The following KLHL5 variants were observed in gnomAD, a reference collection of about 807,000 sequenced individuals.
KLHL5 encodes the protein kelch-like protein 5.
In KLHL5, 48 loss-of-function variants were observed where a neutral mutation model predicts 77.7. The ratio of observed to expected loss-of-function variants is 0.62; its 90% CI spans 0.49 to 0.79. KLHL5 has a LOEUF of 0.79. Among genes scored for constraint, KLHL5 ranks in the 30% least tolerant of loss-of-function variants. The pLI is 0.00. For synonymous variants in KLHL5, 260 were observed against 297.0 expected (o/e 0.88, Z 1.28); for missense variants, 723 against 859.7 (o/e 0.84, Z 1.99).
upstream of KLHL5, among the ~76,000 whole-genome samples, chr4:39,059,026 ATAATT>A (rs370290931): frequency 3.6e-4 from 55 of 152,298 alleles, 1 homozygote; most frequent in African/African-American, 1.3e-3. Flanking sequence ...GACCATTTTG[ATAATT>A]TAATAATGTA....
the KLHL5 span, among the ~76,000 whole-genome samples, chr4:39,139,952 C>T: frequency 5.3e-5 from 8 of 152,090 alleles, no homozygotes; most frequent in Non-Finnish European, 7.4e-5. Flanking sequence ...TGAGGCTGGG[C>T]GCGGTGGCTC....
exon 1 of KLHL5, chr4:39,045,091 G>A (rs1191953814): frequency 3.9e-5 from 38 of 986,926 alleles, no homozygotes; most frequent in Non-Finnish European, 4.6e-5. Flanking sequence ...TCCGGAGCCC[G>A]ACGCGGTAAG....
At chr4:39,098,135 C>CAAAAAAAAAA in intron 6 of KLHL5, among the ~76,000 whole-genome samples, 1 of 70,774 alleles carries the variant, frequency 1.4e-5, no homozygotes, top group Non-Finnish European at 3.2e-5. Flanking sequence ...GAATCCATCT[C>CAAAAAAAAAA]AAAAAAAAAA....
At chr4:39,089,787 G>A (rs1720354679) in intron 5 of KLHL5, among the ~76,000 whole-genome samples, 1 of 152,150 alleles carries the variant, frequency 6.6e-6, no homozygotes, top group Admixed American at 6.5e-5. Context: ...ATATGAAACT[G>A]TGGGGCTGGG....
chr4:39,141,415 T>C, the KLHL5 span, among the ~76,000 whole-genome samples: 4 of 150,310 alleles, frequency 2.7e-5, no homozygotes, highest in South Asian at 2.1e-4. Context: ...TTCACGCCAT[T>C]CTCCTGCCTC....
At chr4:39,048,977 C>G (rs1406217095) in intron 1 of KLHL5, among the ~76,000 whole-genome samples, 1 of 152,098 alleles carries the variant, frequency 6.6e-6, no homozygotes, top group Non-Finnish European at 1.5e-5. Flanking sequence ...CTGGAAGTGA[C>G]ACTTAACTTC....
At chr4:39,106,624 G>C (rs1222435850) in intron 7 of KLHL5, among the ~76,000 whole-genome samples, 1 of 152,124 alleles carries the variant, frequency 6.6e-6, no homozygotes, top group Non-Finnish European at 1.5e-5. Context: ...TAACAGGGGG[G>C]AAGGTATAAA....
chr4:39,064,515 A>G (rs1055731398), intron 1 of KLHL5, among the ~76,000 whole-genome samples: 2 of 152,142 alleles, frequency 1.3e-5, no homozygotes, highest in Non-Finnish European at 2.9e-5. Context: ...AAAAAATAAA[A>G]CATTCATTTA....
intron 6 of KLHL5, among the ~76,000 whole-genome samples, chr4:39,101,126 T>TATACATATATATATCTATA (rs1553892884): frequency 3.7e-5 from 5 of 134,844 alleles, no homozygotes; most frequent in African/African-American, 1.1e-4. Flanking sequence ...TATTTGGATT[T>TATACATATATATATCTATA]TATATATATA....
intron 1 of KLHL5, among the ~76,000 whole-genome samples, chr4:39,072,496 T>C (rs1452797274): frequency 6.6e-6 from 1 of 152,192 alleles, no homozygotes; most frequent in African/African-American, 2.4e-5. Context: ...TCAGCATTGA[T>C]GGAAATGTTC....
intron 4 of KLHL5, among the ~76,000 whole-genome samples, chr4:39,084,010 T>C (rs1040088158): frequency 7.2e-5 from 11 of 152,242 alleles, no homozygotes; most frequent in Admixed American, 3.3e-4. Flanking sequence ...TTTGAATTGT[T>C]GCTATGGGAA....
At chr4:39,137,078 A>AG in the KLHL5 span, among the ~76,000 whole-genome samples, 1 of 152,228 alleles carries the variant, frequency 6.6e-6, no homozygotes, top group African/African-American at 2.4e-5. Context: ...AGAGGAAAAA[A>AG]CAAGGATGAC....
At chr4:39,060,937 AAATT>A (rs1463746949), upstream of KLHL5, among the ~76,000 whole-genome samples, 2 of 152,154 alleles carry the variant, frequency 1.3e-5, no homozygotes, top group African/African-American at 4.8e-5. Context: ...CTACACCTTA[AAATT>A]AATTTGGTAT....
intron 6 of KLHL5, among the ~76,000 whole-genome samples, chr4:39,097,456 C>T (rs1346786026): frequency 3.3e-5 from 5 of 152,176 alleles, no homozygotes; most frequent in Non-Finnish European, 7.3e-5. Flanking sequence ...GCACACAGCA[C>T]TTAAGCAAAC....
At chr4:39,103,206 T>C in intron 6 of KLHL5, 81 bp from the exon 7 acceptor site, 1 of 980,674 alleles carries the variant, frequency 1.0e-6, no homozygotes, top group South Asian at 1.5e-5. Context: ...AATAAGATTA[T>C]ATTTTTGTAT....
At chr4:39,071,723 T>A in intron 1 of KLHL5, among the ~76,000 whole-genome samples, 1 of 152,258 alleles carries the variant, frequency 6.6e-6, no homozygotes, top group East Asian at 1.9e-4. Flanking sequence ...GACTTGTTTC[T>A]ATTTGATACT....
At chr4:39,091,014 G>T (rs1243516007) in intron 5 of KLHL5, among the ~76,000 whole-genome samples, 1 of 137,002 alleles carries the variant, frequency 7.3e-6, no homozygotes, top group Non-Finnish European at 1.5e-5. Context: ...TTAAGACAGA[G>T]TCTCACTCTG....
intron 10 of KLHL5, 64 bp from the exon 11 acceptor site, chr4:39,120,946 A>G (rs1453365416): frequency 1.6e-6 from 2 of 1,227,762 alleles, no homozygotes; most frequent in Non-Finnish European, 2.4e-6. Context: ...TATTTCACCA[A>G]CTGGCATAGT....
chr4:39,089,460 C>G (rs778799903), intron 5 of KLHL5, among the ~76,000 whole-genome samples: 1 of 152,034 alleles, frequency 6.6e-6, no homozygotes, highest in Non-Finnish European at 1.5e-5. Flanking sequence ...AAACTACTTC[C>G]TTAGATTGTT....
Sources: gnomAD v4.1 joint callset for allele counts (sites outside exome capture counted in the v4.1 genomes callset) on GRCh38, gnomAD v4.1.1 for gene constraint, MANE v1.5 for transcripts, NCBI Gene and HGNC (gene_info 2026-07-23, HGNC 2026-07-21) for gene names.